GLIS3: variants seen among roughly 807,000 people sequenced by gnomAD.
GLIS3 encodes the protein zinc finger protein GLIS3.
Under a neutral mutation model 78.6 loss-of-function variants are expected in GLIS3, and 53 were observed. The ratio of observed to expected loss-of-function variants is 0.67; its 90% CI spans 0.54 to 0.85. GLIS3 has a LOEUF of 0.85. Ranked by LOEUF, GLIS3 falls within the 40% of genes least tolerant of loss-of-function variation. The pLI, the probability that GLIS3 is intolerant of heterozygous loss-of-function variation, is 0.00. For synonymous variants in GLIS3, 684 were observed against 509.9 expected, an observed-to-expected ratio of 1.34 and a Z score of -4.60; for missense variants, 1,703 against 1,231.1, an observed-to-expected ratio of 1.38 and a Z score of -5.74.
At chr9:4,366,304 A>G in the GLIS3 span, among the ~76,000 whole-genome samples, 1 of 152,218 alleles carries the variant, frequency 6.6e-6, no homozygotes, top group African/African-American at 2.4e-5. Context: ...TTTTAACTAG[A>G]AAAGAGTAGA....
chr9:4,291,407 G>T (rs6476843), intron 1 of GLIS3, among the ~76,000 whole-genome samples: 152,135 of 152,242 alleles, frequency 1, 76,014 homozygotes, highest in Non-Finnish European at 1. Context: ...ATTCGAACCT[G>T]TGCAATCTAA....
intron 2 of GLIS3, among the ~76,000 whole-genome samples, chr9:4,341,885 C>T (rs528739783): frequency 4.5e-4 from 69 of 152,298 alleles, no homozygotes; most frequent in African/African-American, 1.4e-3. Flanking sequence ...TTGTTGACCA[C>T]GTATATGTCT....
At chr9:4,192,107 G>A (rs769316504) in intron 2 of GLIS3, among the ~76,000 whole-genome samples, 1 of 152,128 alleles carries the variant, frequency 6.6e-6, no homozygotes, top group Non-Finnish European at 1.5e-5. Context: ...GATAATTTCT[G>A]AAGTAGAACA....
intron 2 of GLIS3, among the ~76,000 whole-genome samples, chr9:4,240,776 T>G (rs112972866): frequency 6.1e-4 from 93 of 152,288 alleles, no homozygotes; most frequent in African/African-American, 2.0e-3. Context: ...AGCTGGGTGA[T>G]GAAATAATCT....
At chr9:4,343,318 G>C (rs1305219976) in intron 2 of GLIS3, among the ~76,000 whole-genome samples, 1 of 152,114 alleles carries the variant, frequency 6.6e-6, no homozygotes, top group Non-Finnish European at 1.5e-5. Context: ...CTCCAGCATG[G>C]GCAACAGAGC....
At chr9:4,242,907 A>G (rs908720190) in intron 2 of GLIS3, among the ~76,000 whole-genome samples, 3 of 152,226 alleles carry the variant, frequency 2.0e-5, no homozygotes, top group Non-Finnish European at 4.4e-5. Context: ...TTTTTAAATT[A>G]TGTATGCCAT....
At chr9:4,046,528 AC>A (rs1266367889) in intron 4 of GLIS3, among the ~76,000 whole-genome samples, 1 of 152,202 alleles carries the variant, frequency 6.6e-6, no homozygotes, top group Non-Finnish European at 1.5e-5. Flanking sequence ...AGAAAACTGA[AC>A]ATGGGTCAAA....
chr9:4,475,510 A>C, the GLIS3 span, among the ~76,000 whole-genome samples: 1 of 152,220 alleles, frequency 6.6e-6, no homozygotes, highest in African/African-American at 2.4e-5. Flanking sequence ...ATCACTTGTG[A>C]ACTTGTTAAA....
intron 3 of GLIS3, among the ~76,000 whole-genome samples, chr9:4,123,043 G>A (rs916279614): frequency 2.0e-5 from 3 of 151,974 alleles, no homozygotes; most frequent in Non-Finnish European, 4.4e-5. Flanking sequence ...ATCCAACAAA[G>A]CTAAGGAAAA....
the GLIS3 span, among the ~76,000 whole-genome samples, chr9:4,487,419 C>T: frequency 6.6e-6 from 1 of 151,988 alleles, no homozygotes; most frequent in African/African-American, 2.4e-5. Context: ...ATAATTAATG[C>T]CCCCATTTTA....
intron 4 of GLIS3, among the ~76,000 whole-genome samples, chr9:4,094,786 T>TA (rs1417590891): frequency 6.6e-6 from 1 of 152,238 alleles, no homozygotes; most frequent in Non-Finnish European, 1.5e-5. Flanking sequence ...TGGCTTATTT[T>TA]AATGTAGCCA....
chr9:4,242,507 C>T (rs1020638113), intron 2 of GLIS3, among the ~76,000 whole-genome samples: 9 of 152,180 alleles, frequency 5.9e-5, no homozygotes, highest in Admixed American at 4.6e-4. Context: ...TTCCGGCTAC[C>T]TGCTGGGCAT....
At chr9:4,271,319 C>T (rs1339173247) in intron 2 of GLIS3, among the ~76,000 whole-genome samples, 1 of 152,106 alleles carries the variant, frequency 6.6e-6, no homozygotes, top group Admixed American at 6.5e-5. Context: ...CAACAGTAGG[C>T]TACCAGTAGT....
chr9:3,843,899 G>C (rs1332816417), intron 9 of GLIS3, among the ~76,000 whole-genome samples: 1 of 152,140 alleles, frequency 6.6e-6, no homozygotes, highest in African/African-American at 2.4e-5. Context: ...ATACTTAAGT[G>C]AACTAGAAAA....
intron 4 of GLIS3, among the ~76,000 whole-genome samples, chr9:3,993,409 T>A (rs1005802093): frequency 6.6e-6 from 1 of 152,202 alleles, no homozygotes; most frequent in East Asian, 1.9e-4. Flanking sequence ...AATTTGTTAA[T>A]AAAATACTAT....
At position 3,827,022 on chromosome 9, in the gene GLIS3, C is replaced by T. The variant is rs1205121263; in HGVS notation, c.*1250G>A. On this transcript the variant is annotated 3_prime_UTR_variant, in exon 11 of 11. Transcript: ENST00000381971. ...TATGTGAAAATTCCAGGCCTTCAAACTGGAACTCAGAAAAAGAATTGCCTC... is the reference window on the plus strand; with the variant it reads ...TATGTGAAAATTCCAGGCCTTCAAATTGGAACTCAGAAAAAGAATTGCCTC... The T allele has an allele frequency of 1.3e-5, 2 of 152,112 alleles. No homozygotes were observed. The highest frequency in any genetic ancestry group is 2.9e-5 in the Non-Finnish European group (2 of 68,022). The allele number at this position is 152,112 out of a possible 1,614,324, so 9.4% of individuals were successfully genotyped here.
At chr9:4,254,077 A>G (rs912778108) in intron 2 of GLIS3, among the ~76,000 whole-genome samples, 18 of 152,336 alleles carry the variant, frequency 1.2e-4, no homozygotes, top group African/African-American at 4.1e-4. Context: ...GAGGAAGAGA[A>G]TTTAATGATG....
At chr9:3,927,122 A>T (rs1487488714) in intron 6 of GLIS3, among the ~76,000 whole-genome samples, 2 of 152,168 alleles carry the variant, frequency 1.3e-5, no homozygotes, top group Admixed American at 1.3e-4. Context: ...TTTCATGAAG[A>T]TAATGTAAAT....
intron 4 of GLIS3, among the ~76,000 whole-genome samples, chr9:3,967,957 T>C (rs1161072838): frequency 1.3e-5 from 2 of 152,182 alleles, no homozygotes; most frequent in Admixed American, 1.3e-4. Context: ...TGTTTGAAAA[T>C]AAGACCCCAT....
Sources: gnomAD v4.1 joint callset for allele counts (sites outside exome capture counted in the v4.1 genomes callset) on GRCh38, gnomAD v4.1.1 for gene constraint, MANE v1.5 for transcripts, NCBI Gene and HGNC (gene_info 2026-07-23, HGNC 2026-07-21) for gene names.